The following ROR1 variants were observed in gnomAD, a reference collection of about 807,000 sequenced individuals.
ROR1 encodes the protein ROR family WNT receptor 1, also known as inactive tyrosine-protein kinase transmembrane receptor ROR1.
In ROR1, 19 loss-of-function variants were observed where a neutral mutation model predicts 78.8. The observed-to-expected ratio is 0.24, with a 90% CI of 0.17 to 0.35. The LOEUF is 0.35. Among genes scored for constraint, ROR1 ranks in the 10% least tolerant of loss-of-function variants. The pLI, the probability that ROR1 is intolerant of heterozygous loss-of-function variation, is 1.00. For missense variants in ROR1, 917 were observed against 1,177.8 expected (o/e 0.78, Z 3.24); for synonymous variants, 386 against 433.6 (o/e 0.89, Z 1.36).
At chr1:63,993,799 T>C in intron 1 of ROR1, among the ~76,000 whole-genome samples, 1 of 152,198 alleles carries the variant, frequency 6.6e-6, no homozygotes, top group East Asian at 1.9e-4. Context: ...TTGTTTCCAA[T>C]CATTTTATAT....
At chr1:64,074,844 A>AT (rs1164413284) in intron 4 of ROR1, among the ~76,000 whole-genome samples, 2 of 152,148 alleles carry the variant, frequency 1.3e-5, no homozygotes, top group African/African-American at 4.8e-5. Context: ...CCAAATCTCA[A>AT]TTTTTTTCCA....
chr1:64,026,116 G>C (rs1044627872), intron 2 of ROR1, among the ~76,000 whole-genome samples: 4 of 152,166 alleles, frequency 2.6e-5, no homozygotes, highest in African/African-American at 9.7e-5. Flanking sequence ...AAATTAGGTA[G>C]GCCTTTCTTA....
chr1:64,044,455 T>G (rs1646768692), intron 2 of ROR1, among the ~76,000 whole-genome samples: 1 of 152,052 alleles, frequency 6.6e-6, no homozygotes. Flanking sequence ...CACTGTACAT[T>G]CCACTGCCAT....
At chr1:63,821,711 A>G (rs553640282) in intron 1 of ROR1, among the ~76,000 whole-genome samples, 1 of 152,170 alleles carries the variant, frequency 6.6e-6, no homozygotes, top group African/African-American at 2.4e-5. Context: ...AGTTATGAGG[A>G]AAACAGAAAG....
intron 1 of ROR1, among the ~76,000 whole-genome samples, chr1:63,985,152 T>C (rs1646240834): frequency 6.6e-6 from 1 of 152,188 alleles, no homozygotes; most frequent in African/African-American, 2.4e-5. Flanking sequence ...CCAGTTTATC[T>C]GCCTCCATCT....
intron 1 of ROR1, among the ~76,000 whole-genome samples, chr1:63,891,556 A>G (rs1158355383): frequency 6.6e-6 from 1 of 152,168 alleles, no homozygotes; most frequent in African/African-American, 2.4e-5. Context: ...GGTAACTGGT[A>G]AAGCATTATT....
chr1:64,176,143 AT>A (rs1650371809), intron 8 of ROR1, among the ~76,000 whole-genome samples: 1 of 152,170 alleles, frequency 6.6e-6, no homozygotes, highest in African/African-American at 2.4e-5. Flanking sequence ...TTCAATACTT[AT>A]TTTCATTGTG....
At chr1:64,002,950 C>G (rs773544466) in intron 1 of ROR1, among the ~76,000 whole-genome samples, 4 of 152,144 alleles carry the variant, frequency 2.6e-5, no homozygotes, top group Non-Finnish European at 4.4e-5. Flanking sequence ...CCCCATCCCC[C>G]ATGTGGCACA....
At chr1:64,078,265 G>A (rs903181787) in intron 4 of ROR1, among the ~76,000 whole-genome samples, 11 of 152,166 alleles carry the variant, frequency 7.2e-5, no homozygotes, top group African/African-American at 2.4e-4. Flanking sequence ...GAGGGTCTTG[G>A]AAAAAGAATA....
intron 1 of ROR1, among the ~76,000 whole-genome samples, chr1:63,970,431 T>A (rs1646110271): frequency 6.6e-6 from 1 of 152,218 alleles, no homozygotes; most frequent in African/African-American, 2.4e-5. Context: ...AAAGTAAGGT[T>A]ACACAGTAAT....
chr1:63,786,256 A>ATT (rs34933492), intron 1 of ROR1, among the ~76,000 whole-genome samples: 2,039 of 67,488 alleles, frequency 0.03, 346 homozygotes, highest in East Asian at 0.051. Flanking sequence ...CTACAACTTG[A>ATT]TTTTTTTTTT....
At chr1:64,158,559 C>G (rs539150028) in intron 7 of ROR1, among the ~76,000 whole-genome samples, 1 of 152,312 alleles carries the variant, frequency 6.6e-6, no homozygotes, top group Non-Finnish European at 1.5e-5. Context: ...ATTTCTAGAA[C>G]ACCATCTTGT....
In ROR1 at chr1:64,029,451, G is replaced by A. The variant is rs555796505; in HGVS notation, c.163+20075G>A. On this transcript the variant is annotated intron_variant, in intron 2 of 8. Coordinates refer to ENST00000371079, the MANE Select transcript of ROR1 (RefSeq NM_005012.4). ...TTGATTCTCCTCGTAATTGCCCTTCGTATTAGTCTGCTAGGGCTGCCATAA... is the reference window on the plus strand; with the variant it reads ...TTGATTCTCCTCGTAATTGCCCTTCATATTAGTCTGCTAGGGCTGCCATAA... Among the ~76,000 whole-genome samples, 10 of 152,132 alleles carry A rather than the reference G, an allele frequency of 6.6e-5. No homozygotes were observed. In the South Asian group the frequency reaches 1.7e-3, roughly 25 times the overall value.
chr1:64,093,584 C>G (rs2100646958), intron 4 of ROR1, among the ~76,000 whole-genome samples: 2 of 151,240 alleles, frequency 1.3e-5, no homozygotes, highest in South Asian at 2.1e-4. Flanking sequence ...TACCTCCTAC[C>G]ACACACACAC....
chr1:64,095,879 G>A (rs1647285354), intron 4 of ROR1, among the ~76,000 whole-genome samples: 1 of 152,148 alleles, frequency 6.6e-6, no homozygotes, highest in African/African-American at 2.4e-5. Flanking sequence ...GAAGTAAAGT[G>A]ATAGGCTATA....
intron 2 of ROR1, among the ~76,000 whole-genome samples, chr1:64,027,004 G>A (rs1000694811): frequency 6.6e-6 from 1 of 152,220 alleles, no homozygotes; most frequent in Non-Finnish European, 1.5e-5. Flanking sequence ...AATCTGTTAT[G>A]AAACTTATTG....
Position 64,030,344 on chromosome 1 carries a change from C to T in ROR1, c.164-19347C>T, listed in dbSNP as rs372430333. Among the ~76,000 whole-genome samples the T allele has an allele frequency of 1.6e-4, 24 of 152,294 alleles. 1 individual carries two copies. Among genetic ancestry groups the T allele is most frequent in the African/African-American group, 4.6e-4 (19 of 41,564 alleles). On this transcript the variant is annotated intron_variant, in intron 2 of 8. Coordinates refer to ENST00000371079, the MANE Select transcript of ROR1 (RefSeq NM_005012.4). Reference sequence around the variant, plus strand: ...CAGGTAAAAGTTACAAAGAAGCACACTTCTGCCCAGTTTATGGAAGAACTT... The same window carrying T: ...CAGGTAAAAGTTACAAAGAAGCACATTTCTGCCCAGTTTATGGAAGAACTT...
intron 1 of ROR1, among the ~76,000 whole-genome samples, chr1:63,878,135 G>C (rs540641969): frequency 7.2e-5 from 11 of 152,130 alleles, no homozygotes; most frequent in Admixed American, 6.5e-4. Context: ...TGGGCAGATG[G>C]TGTGGCCTTG....
At chr1:63,786,758 A>G (rs1391215746) in intron 1 of ROR1, among the ~76,000 whole-genome samples, 1 of 152,012 alleles carries the variant, frequency 6.6e-6, no homozygotes, top group Non-Finnish European at 1.5e-5. Context: ...CCCCAGACTC[A>G]TCAAATACAC....
Sources: gnomAD v4.1 joint callset for allele counts (sites outside exome capture counted in the v4.1 genomes callset) on GRCh38, gnomAD v4.1.1 for gene constraint, MANE v1.5 for transcripts, NCBI Gene and HGNC (gene_info 2026-07-23, HGNC 2026-07-21) for gene names.